The following ABCC3 variants were observed in gnomAD, a reference collection of about 807,000 sequenced individuals.
ABCC3 encodes ATP-binding cassette sub-family C member 3.
In ABCC3, 121 loss-of-function variants were observed where a neutral mutation model predicts 165.3. That is an observed-to-expected ratio of 0.73 (90% confidence interval 0.63 to 0.85). The LOEUF (loss-of-function observed/expected upper bound fraction) is 0.85, where lower values mean the gene tolerates loss of function less well. Ranked by LOEUF, ABCC3 falls within the 40% of genes least tolerant of loss-of-function variation. The probability of loss-of-function intolerance (pLI) is 0.00; values close to 1 mark genes in which losing one functional copy is unlikely to be tolerated. For missense variants in ABCC3, 1,869 were observed against 1,964.1 expected, an observed-to-expected ratio of 0.95 and a Z score of 0.92; for synonymous variants, 733 against 810.1, an observed-to-expected ratio of 0.90 and a Z score of 1.62.
intron 17 of ABCC3, among the ~76,000 whole-genome samples, chr17:50,671,702 CTTTTT>C (rs386386244): frequency 2.5e-4 from 14 of 56,396 alleles, no homozygotes; most frequent in African/African-American, 3.4e-4. Flanking sequence ...TCCTTCCTTC[CTTTTT>C]TTTTTTTTTT....
Position 50,683,670 on chromosome 17 carries a change from G to A in ABCC3, c.3868G>A (p.Glu1290Lys), listed in dbSNP as rs998857582. Residue 1290 changes from glutamate to lysine, a missense_variant, in exon 27 of 31, where the codon GAG (glutamate) becomes AAG (lysine). Transcript: ENST00000285238. ...PEGWPPRGEVEFRNYSVRYRP... is the reference protein window; with the variant it reads ...PEGWPPRGEVKFRNYSVRYRP... ...AGGTTGGCCCCCACGTGGGGAGGTG[G>A]AGTTCCGGAATTATTCTGTGCGCTA... The A allele has an allele frequency of 1.2e-6, 2 of 1,603,850 alleles. No individual in the cohort carries two copies. Among genetic ancestry groups the A allele is most frequent in the East Asian group, 2.3e-5 (1 of 43,920 alleles).
At position 50,655,868 on chromosome 17, in the gene ABCC3, C is replaced by T. The variant is rs762606673; in HGVS notation, c.82C>T (p.Leu28Phe). The change falls in exon 2 of 31, where the codon CTC (leucine) becomes TTC (phenylalanine). Residue 28 changes from leucine to phenylalanine, a missense_variant. Transcript: ENST00000285238. Reference sequence around the variant, plus strand: ...GTCTGTGCACACAGAAAACCCGGACCTCACTCCCTGCTTCCAGAACTCCCT... The same window carrying T: ...GTCTGTGCACACAGAAAACCCGGACTTCACTCCCTGCTTCCAGAACTCCCT... ...NLSVHTENPD[L>F]TPCFQNSLLA... 1 of 1,614,034 alleles carries T rather than the reference C, an allele frequency of 6.2e-7. No homozygotes were observed. Among genetic ancestry groups the T allele is most frequent in the Non-Finnish European group, 8.5e-7 (1 of 1,180,000 alleles).
intron 3 of ABCC3, 99 bp from the exon 4 acceptor site, chr17:50,656,947 G>A: frequency 6.4e-7 from 1 of 1,551,718 alleles, no homozygotes. Context: ...AAGAAGAAGG[G>A]GGTGGCCCCA....
In ABCC3 at chr17:50,678,209, A is replaced by C. The variant is rs763733488; in HGVS notation, c.3695A>C (p.Tyr1232Ser). The C allele has an allele frequency of 2.2e-5, 33 of 1,523,314 alleles. No individual in the cohort carries two copies. In the Admixed American group the frequency reaches 2.4e-4, roughly 11 times the overall value. The allele number at this position is 1,523,314 out of a possible 1,614,324, so 94.4% of individuals were successfully genotyped here. Residue 1232 changes from tyrosine (Y) to serine (S), a missense_variant, in exon 25 of 31, where the codon TAC (tyrosine) becomes TCC (serine). Coordinates refer to ENST00000285238, the MANE Select transcript of ABCC3 (RefSeq NM_003786.4). ...GGGCTGGTGGGCCTTTCTGTGTCCT[A>C]CTCCTTGCAGGTATGAAGGGCCTGG... is the stretch of plus-strand genomic sequence containing the variant. ...NPGLVGLSVS[Y>S]SLQVTFALNW...
chr17:50,675,018 T>C (rs11079921), intron 19 of ABCC3, among the ~76,000 whole-genome samples: 15,264 of 152,062 alleles, frequency 0.1, 865 homozygotes, highest in Middle Eastern at 0.16. Context: ...CAGGCTGGTC[T>C]CGATCTCCTG....
Position 50,675,476 on chromosome 17 carries a change from G to A in ABCC3, c.2714G>A (p.Arg905Lys), listed in dbSNP as rs142288129. The change falls in exon 20 of 31, where the codon AGA becomes AAA. Residue 905 changes from arginine to lysine, a missense_variant and splice_region_variant. By Grantham distance (26) the Arg-to-Lys change is conservative. Coordinates refer to ENST00000285238, the MANE Select transcript of ABCC3 (RefSeq NM_003786.4). Reference protein sequence around the residue: ...VTYVVQKQFMRQLSALSSDGE... With the variant: ...VTYVVQKQFMKQLSALSSDGE... Reference sequence around the variant, plus strand: ...TATGTGGTCCAGAAGCAGTTTATGAGGTGAGTTCCTGAGAGCTCCCAGCCC... The same window carrying A: ...TATGTGGTCCAGAAGCAGTTTATGAAGTGAGTTCCTGAGAGCTCCCAGCCC... 4.4e-4 allele frequency: 707 copies of A among 1,612,304 alleles called. 4 individuals carry two copies. Among genetic ancestry groups the A allele is most frequent in the Non-Finnish European group, 3.0e-4 (348 of 1,179,090 alleles).
chr17:50,648,421 C>T (rs1967046674), intron 1 of ABCC3, among the ~76,000 whole-genome samples: 1 of 152,150 alleles, frequency 6.6e-6, no homozygotes, highest in Non-Finnish European at 1.5e-5. Flanking sequence ...CCTCTCAAAG[C>T]CAGGCAAATT....
chr17:50,676,677 G>A lies in ABCC3; in HGVS notation c.3378+89G>A, dbSNP rs960440559. 9 of 1,206,778 alleles carry A rather than the reference G, an allele frequency of 7.5e-6. No homozygotes were observed. The African/African-American group carries it at 1.2e-4, about 16-fold the overall frequency. The allele number at this position is 1,206,778 out of a possible 1,614,324, so 74.8% of individuals were successfully genotyped here. On this transcript the variant is annotated intron_variant, in intron 23 of 30. Coordinates refer to ENST00000285238, the MANE Select transcript of ABCC3 (RefSeq NM_003786.4). ...GGGGCAGCAGGGGTGGGACACTTCA[G>A]GCCACCAACATTACAGAGTTTTGTT... is the stretch of plus-strand genomic sequence containing the variant.
chr17:50,682,158 C>T (rs1018926181), intron 26 of ABCC3, among the ~76,000 whole-genome samples: 7 of 152,032 alleles, frequency 4.6e-5, no homozygotes, highest in African/African-American at 7.2e-5. Context: ...TCCCCACTCC[C>T]GGAAGAACTG....
chr17:50,675,484 CCTGAGA>C lies in ABCC3; in HGVS notation c.2714+9_2714+14del. On this transcript the variant is annotated intron_variant, in intron 20 of 30. Coordinates refer to ENST00000285238, the MANE Select transcript of ABCC3 (RefSeq NM_003786.4). ...CCAGAAGCAGTTTATGAGGTGAGTT[CCTGAGA>C]GCTCCCAGCCCTCCCGGAGGCTGTA... 11 of 1,610,390 alleles carry C rather than the reference CCTGAGA, an allele frequency of 6.8e-6. No individual in the cohort carries two copies. The highest frequency in any genetic ancestry group is 9.3e-6 in the Non-Finnish European group (11 of 1,177,928).
At chr17:50,675,581 TG>T (rs761198370) in intron 20 of ABCC3, 49 bp from the exon 21 acceptor site, 6 of 1,563,066 alleles carry the variant, frequency 3.8e-6, no homozygotes, top group East Asian at 2.3e-5. Flanking sequence ...GCCTCTGTCC[TG>T]GGGGGTGCTT....
chr17:50,658,205 C>T lies in ABCC3; in HGVS notation c.610C>T (p.Pro204Ser). The change falls in exon 5 of 31, where the codon CCT becomes TCT. Residue 204 changes from proline to serine, a missense_variant and splice_region_variant. Physicochemically the swap from Pro to Ser is moderately conservative, Grantham distance 74. Coordinates refer to ENST00000285238, the MANE Select transcript of ABCC3 (RefSeq NM_003786.4). The part of the protein sequence containing the change: ...PPFFSAKNVD[P>S]NPYPETSAGF... The stretch of plus-strand genomic sequence containing the variant: ...ATTTTTCTCCGCAAAGAATGTCGAC[C>T]CTGTGAGTTTCCCATGGAGGGTGCG... 6.2e-7 allele frequency: 1 copy of T among 1,614,206 alleles called. No homozygotes were observed. Among genetic ancestry groups the T allele is most frequent in the East Asian group, 2.2e-5 (1 of 44,886 alleles).
At chr17:50,676,661 G>A (rs570017774) in intron 23 of ABCC3, 73 bp downstream of exon 23, 2 of 1,244,010 alleles carry the variant, frequency 1.6e-6, no homozygotes, top group East Asian at 2.5e-5. Flanking sequence ...GGGGGCAGCA[G>A]GGGTGGGACA....
intron 6 of ABCC3, 189 bp from the exon 7 acceptor site, chr17:50,659,048 C>T (rs1749693972): frequency 1.0e-5 from 6 of 585,416 alleles, no homozygotes; most frequent in East Asian, 6.4e-5. Flanking sequence ...GTAGGAACTT[C>T]GGAGGGAGAG....
chr17:50,658,727 G>A (rs187468977), intron 6 of ABCC3, among the ~76,000 whole-genome samples: 1 of 152,374 alleles, frequency 6.6e-6, no homozygotes, highest in East Asian at 1.9e-4. Context: ...CCCTGCATCT[G>A]GCAGGCTGTG....
In ABCC3 at chr17:50,673,580, C is replaced by T. The variant is rs200941858; in HGVS notation, c.2521C>T (p.Arg841Cys). Residue 841 changes from arginine (R) to cysteine (C), a missense_variant, in exon 19 of 31, where the codon CGC (arginine) becomes TGC (cysteine). Arg to Cys is a radical substitution (Grantham distance 180). Transcript: ENST00000285238. ...GGGCCCGTACCCAGCCCTGCTGCAG[C>T]GCAACGGCTCCTTTGCCAACTTTCT... Reference protein sequence around the residue: ...EMGPYPALLQRNGSFANFLCN... With the variant: ...EMGPYPALLQCNGSFANFLCN... 1.5e-5 allele frequency: 24 copies of T among 1,614,176 alleles called. No homozygotes were observed. In the East Asian group the frequency reaches 2.7e-4, roughly 18 times the overall value.
intron 5 of ABCC3, 84 bp from the exon 6 acceptor site, chr17:50,658,351 C>A (rs1255699297): frequency 2.5e-6 from 4 of 1,580,696 alleles, no homozygotes; most frequent in African/African-American, 1.3e-5. Context: ...GGAGCAGGAA[C>A]AAGGGTCCCC....
At chr17:50,677,595 T>A (rs1335803638) in intron 23 of ABCC3, 149 bp from the exon 24 acceptor site, 1 of 758,928 alleles carries the variant, frequency 1.3e-6, no homozygotes, top group African/African-American at 1.7e-5. Context: ...AAGTCTTGGG[T>A]CCTTGGAGGT....
chr17:50,643,433 A>G, intron 1 of ABCC3: 1 of 427,378 alleles, frequency 2.3e-6, no homozygotes, highest in South Asian at 1.7e-5. Context: ...CAAGATGTAC[A>G]TGGTACAACT....
Sources: gnomAD v4.1 joint callset for allele counts (sites outside exome capture counted in the v4.1 genomes callset) on GRCh38, gnomAD v4.1.1 for gene constraint, MANE v1.5 for transcripts, NCBI Gene and HGNC (gene_info 2026-07-23, HGNC 2026-07-21) for gene names.